The following THRB variants were observed in gnomAD, a reference collection of about 807,000 sequenced individuals.
The protein encoded by THRB is thyroid hormone receptor beta.
In THRB, 12 loss-of-function variants were observed where a neutral mutation model predicts 47.8. The observed-to-expected ratio is 0.25, with a 90% CI of 0.16 to 0.41. The LOEUF (loss-of-function observed/expected upper bound fraction) is 0.41. Among genes scored for constraint, THRB ranks in the 10% least tolerant of loss-of-function variants. The pLI is 1.00. For synonymous variants in THRB, 218 were observed against 212.2 expected (o/e 1.03, Z -0.24); for missense variants, 348 against 589.2 (o/e 0.59, Z 4.24).
chr3:24,228,921 T>TAA lies in THRB; in HGVS notation c.22+15_22+16dup, dbSNP rs754042345. On this transcript the variant is annotated intron_variant, in intron 4 of 10. Coordinates refer to ENST00000646209, the MANE Select transcript of THRB (RefSeq NM_001354712.2). Reference sequence around the variant, plus strand: ...AAAATGGAGGCACACAAAGAAAATGTAAAAAAAAAAAGATACCTGTCATAC... The same window carrying TAA: ...AAAATGGAGGCACACAAAGAAAATGTAAAAAAAAAAAAAGATACCTGTCATAC... The TAA allele has an allele frequency of 3.1e-5, 38 of 1,220,634 alleles. No homozygotes were observed. Among genetic ancestry groups the TAA allele is most frequent in the Admixed American group, 8.3e-5 (4 of 48,082 alleles). The allele number at this position is 1,220,634 out of a possible 1,614,324, so 75.6% of individuals were successfully genotyped here.
intron 3 of THRB, among the ~76,000 whole-genome samples, chr3:24,233,555 A>AG (rs1559683092): frequency 5.1e-5 from 1 of 19,624 alleles, no homozygotes; most frequent in East Asian, 1.4e-3. Flanking sequence ...GAAAGAAAGA[A>AG]AAAGGAAGAA....
At chr3:24,143,410 ACACCAGTATC>A (rs2035690940) in intron 8 of THRB, 81 bp downstream of exon 8, 4 of 1,271,096 alleles carry the variant, frequency 3.1e-6, no homozygotes, top group Non-Finnish European at 4.6e-6. Flanking sequence ...TGAGGCAATA[ACACCAGTATC>A]CCAAGGTGAT....
At chr3:24,281,996 A>C (rs940152946) in intron 3 of THRB, among the ~76,000 whole-genome samples, 15 of 137,720 alleles carry the variant, frequency 1.1e-4, no homozygotes, top group Non-Finnish European at 1.8e-4. Context: ...GGAGACTTTA[A>C]CACCCCACCA....
chr3:24,315,471 G>A (rs1023930583), intron 2 of THRB, among the ~76,000 whole-genome samples: 6 of 152,176 alleles, frequency 3.9e-5, no homozygotes, highest in Admixed American at 2.0e-4. Flanking sequence ...CTTGGCTGGC[G>A]TCATGGCTGT....
intron 1 of THRB, among the ~76,000 whole-genome samples, chr3:24,340,869 A>G (rs1440325598): frequency 6.6e-6 from 1 of 152,192 alleles, no homozygotes; most frequent in Non-Finnish European, 1.5e-5. Flanking sequence ...TAGAATTCAC[A>G]TATATCTTGG....
At chr3:24,408,134 T>A (rs747406768) in intron 1 of THRB, among the ~76,000 whole-genome samples, 8 of 151,992 alleles carry the variant, frequency 5.3e-5, no homozygotes, top group Middle Eastern at 3.4e-3. Context: ...GATAGACATA[T>A]TTTGATCTAT....
At chr3:24,402,431 T>G (rs2067482404) in intron 1 of THRB, among the ~76,000 whole-genome samples, 1 of 151,956 alleles carries the variant, frequency 6.6e-6, no homozygotes, top group Non-Finnish European at 1.5e-5. Context: ...GCTGTTCTAC[T>G]TTTTTGGTCT....
chr3:24,129,802 C>T (rs372202018), intron 9 of THRB, among the ~76,000 whole-genome samples: 120 of 152,308 alleles, frequency 7.9e-4, no homozygotes, highest in Non-Finnish European at 1.5e-3. Flanking sequence ...GACGACAGGG[C>T]CCTGCACTCT....
intron 9 of THRB, 147 bp from the exon 10 acceptor site, chr3:24,127,904 C>G (rs1195201712): frequency 1.4e-5 from 13 of 952,744 alleles, no homozygotes; most frequent in Middle Eastern, 2.1e-4. Context: ...CCCTTCCCTA[C>G]TTGGCTGCAG....
chr3:24,320,497 A>G (rs2058414695), intron 2 of THRB, among the ~76,000 whole-genome samples: 1 of 152,110 alleles, frequency 6.6e-6, no homozygotes, highest in Non-Finnish European at 1.5e-5. Context: ...CAGCCCTCCC[A>G]TCACTGTGAC....
At chr3:24,352,375 A>C (rs2063410656) in intron 1 of THRB, among the ~76,000 whole-genome samples, 1 of 152,190 alleles carries the variant, frequency 6.6e-6, no homozygotes, top group African/African-American at 2.4e-5. Context: ...CCAGTTCAGT[A>C]ATGCTGTCCC....
At chr3:24,454,356 C>G (rs1461807194) in intron 1 of THRB, among the ~76,000 whole-genome samples, 1 of 152,020 alleles carries the variant, frequency 6.6e-6, no homozygotes, top group Non-Finnish European at 1.5e-5. Context: ...TTGCCCAGAG[C>G]TGGAGGAGGG....
chr3:24,185,516 TA>T (rs1247245480), intron 5 of THRB, among the ~76,000 whole-genome samples: 1 of 152,240 alleles, frequency 6.6e-6, no homozygotes, highest in Non-Finnish European at 1.5e-5. Flanking sequence ...AAAATTATTT[TA>T]ACTGATTCCC....
At chr3:24,231,030 G>C (rs557092757) in intron 3 of THRB, among the ~76,000 whole-genome samples, 20 of 152,256 alleles carry the variant, frequency 1.3e-4, no homozygotes, top group Middle Eastern at 6.8e-3. Context: ...GGTGTCTCTC[G>C]GCTCTTCCTG....
At chr3:24,168,181 A>T (rs2039902133) in intron 5 of THRB, among the ~76,000 whole-genome samples, 1 of 152,164 alleles carries the variant, frequency 6.6e-6, no homozygotes, top group African/African-American at 2.4e-5. Flanking sequence ...CATTACTATT[A>T]GTTGAAAATG....
chr3:24,170,058 G>T (rs1438312157), intron 5 of THRB, among the ~76,000 whole-genome samples: 6 of 152,060 alleles, frequency 3.9e-5, no homozygotes, highest in African/African-American at 1.4e-4. Context: ...TGTCACCTCT[G>T]AAACCAGGAT....
At chr3:24,297,936 A>T (rs2056586893) in intron 2 of THRB, among the ~76,000 whole-genome samples, 4 of 152,046 alleles carry the variant, frequency 2.6e-5, no homozygotes, top group Non-Finnish European at 4.4e-5. Flanking sequence ...GAATTTAAAA[A>T]ATACATATTT....
intron 1 of THRB, among the ~76,000 whole-genome samples, chr3:24,420,334 C>A (rs2069122147): frequency 6.6e-6 from 1 of 151,816 alleles, no homozygotes; most frequent in Non-Finnish European, 1.5e-5. Context: ...GGACACATGT[C>A]CACGTAGTCC....
chr3:24,491,429 T>C (rs111227523), intron 1 of THRB, among the ~76,000 whole-genome samples: 4,133 of 152,304 alleles, frequency 0.027, 234 homozygotes, highest in Admixed American at 0.13. Flanking sequence ...TATGCTCTGG[T>C]CACTTGAAAA....
Sources: gnomAD v4.1 joint callset for allele counts (sites outside exome capture counted in the v4.1 genomes callset) on GRCh38, gnomAD v4.1.1 for gene constraint, MANE v1.5 for transcripts, NCBI Gene and HGNC (gene_info 2026-07-23, HGNC 2026-07-21) for gene names.